C6orf47: variants seen among roughly 807,000 people sequenced by gnomAD.
C6orf47 encodes the protein chromosome 6 open reading frame 47.
Under a neutral mutation model 5.6 loss-of-function variants are expected in C6orf47, and 1 was observed. The observed-to-expected ratio is 0.18, with a 90% CI of 0.06 to 0.85. The LOEUF is 0.85. C6orf47 is among the 40% of genes least tolerant of loss of function. C6orf47 has a pLI of 0.70. For synonymous variants in C6orf47, 149 were observed against 161.7 expected (o/e 0.92, Z 0.60); for missense variants, 323 against 367.1 (o/e 0.88, Z 0.98).
In C6orf47 at chr6:31,659,841, G is replaced by A. The variant is rs748548565; in HGVS notation, c.107C>T (p.Ser36Leu). 9.3e-6 allele frequency: 15 copies of A among 1,612,868 alleles called. No individual in the cohort carries two copies. The highest frequency in any genetic ancestry group is 7.7e-5 in the South Asian group (7 of 91,034). Reference protein sequence around the residue: ...YPEPRRVDSSSENSGSDWDSA... With the variant: ...YPEPRRVDSSLENSGSDWDSA... ...ATCCCAGTCACTTCCTGAATTCTCC[G>A]AGGAGCTGTCCACCCGTCTGGGTTC... Residue 36 changes from serine to leucine, a missense_variant, in exon 1 of 1, where the codon TCG becomes TTG. Ser to Leu is a moderately radical substitution (Grantham distance 145, BLOSUM62 -2). Transcript: ENST00000375911. The surrounding 1 kb of genome is among the most constrained non-coding windows in gnomAD (Gnocchi z 5.6).
rs756070085 is a variant in C6orf47 at position 31,659,306 on chromosome 6, C to A, written c.642G>T (p.Pro214=). The A allele has an allele frequency of 5.0e-6, 8 of 1,612,930 alleles. No individual in the cohort carries two copies. The highest frequency in any genetic ancestry group is 1.7e-5 in the Admixed American group (1 of 60,012). ...GTAGGCCATGTAGCCAGAGGCCCAGCGGTCCACGCAGGCCCAGTGTGTCCA... is the reference window on the plus strand; with the variant it reads ...GTAGGCCATGTAGCCAGAGGCCCAGAGGTCCACGCAGGCCCAGTGTGTCCA... ...AALDTLGLRG[P]LGLWLHGLLS... Residue 214 remains proline, a synonymous_variant, in exon 1 of 1, where the codon CCG becomes CCT. Transcript: ENST00000375911. This position sits in a 1 kb window ranked among gnomAD's most constrained non-coding sequence, Gnocchi z 5.6.
Position 31,660,145 on chromosome 6 carries a change from C to T in C6orf47, c.-198G>A. The T allele has an allele frequency of 3.0e-6, 2 of 663,040 alleles. No homozygotes were observed. The highest frequency in any genetic ancestry group is 2.2e-5 in the South Asian group (1 of 46,282). The allele number at this position is 663,040 out of a possible 1,614,324, so 41.1% of individuals were successfully genotyped here. On this transcript the variant is annotated 5_prime_UTR_variant, in exon 1 of 1. Transcript: ENST00000375911. The surrounding 1 kb of genome is among the most constrained non-coding windows in gnomAD (Gnocchi z 4.7). Reference sequence around the variant, plus strand: ...AGCCTCAAGTGTGGCAAGTAGTTTGCTTCCTCTTCAGTTCTGGGGTAAAGG... The same window carrying T: ...AGCCTCAAGTGTGGCAAGTAGTTTGTTTCCTCTTCAGTTCTGGGGTAAAGG...
At position 31,659,090 on chromosome 6, in the gene C6orf47, C is replaced by T. The variant is rs199527380; in HGVS notation, c.858G>A (p.Gln286=). 9 of 1,612,960 alleles carry T rather than the reference C, an allele frequency of 5.6e-6. No individual in the cohort carries two copies. Among genetic ancestry groups the T allele is most frequent in the Non-Finnish European group, 7.6e-6 (9 of 1,179,972 alleles). Residue 286 remains glutamine, a synonymous_variant, in exon 1 of 1, where the codon CAG becomes CAA. Transcript: ENST00000375911. This position sits in a 1 kb window ranked among gnomAD's most constrained non-coding sequence, Gnocchi z 5.6. ...SEGLEREGEE[Q]RGDPGKGL The stretch of plus-strand genomic sequence containing the variant: ...ACAGCCCCTTTCCCGGGTCTCCCCT[C>T]TGCTCCTCACCTTCCCTCTCCAACC...
At position 31,660,005 on chromosome 6, in the gene C6orf47, C is replaced by G. The variant is rs1213712595; in HGVS notation, c.-58G>C. On this transcript the variant is annotated 5_prime_UTR_variant, in exon 1 of 1. Coordinates refer to ENST00000375911, the MANE Select transcript of C6orf47 (RefSeq NM_021184.4). The surrounding 1 kb of genome is among the most constrained non-coding windows in gnomAD (Gnocchi z 4.7). ...AGGCTGCTTCCTGGCACTACTCAGA[C>G]TCTCAGGATCTCCTCAGAAGCCAGA... 1 of 1,478,658 alleles carries G rather than the reference C, an allele frequency of 6.8e-7. No individual in the cohort carries two copies. The highest frequency in any genetic ancestry group is 1.4e-5 in the African/African-American group (1 of 70,770). 91.6% of individuals were successfully genotyped at this position (1,478,658 alleles called of 1,614,324 possible). A position where few individuals can be genotyped will look rare whatever the true frequency, so the allele number is the denominator to read the frequency against.
rs765257322 is a variant in C6orf47 at position 31,659,593 on chromosome 6, G to A, written c.355C>T (p.His119Tyr). ...CTCCTGGTGCCACCTGAATCCACATGATCCCATCTGAGTTTGGGACTGGCC... is the reference window on the plus strand; with the variant it reads ...CTCCTGGTGCCACCTGAATCCACATAATCCCATCTGAGTTTGGGACTGGCC... ...GGASPKLRWD[H>Y]VDSGGTRRPG... Residue 119 changes from histidine (H) to tyrosine (Y), a missense_variant, in exon 1 of 1, where the codon CAT (histidine) becomes TAT (tyrosine). His to Tyr is a moderately conservative substitution (Grantham distance 83). Transcript: ENST00000375911. The surrounding 1 kb of genome is among the most constrained non-coding windows in gnomAD (Gnocchi z 5.6). 9.9e-6 allele frequency: 16 copies of A among 1,612,832 alleles called. 1 individual carries two copies. The South Asian group carries it at 1.8e-4, about 18-fold the overall frequency.
rs1210880888 is a variant in C6orf47 at position 31,658,623 on chromosome 6, C to T, written c.*440G>A. On this transcript the variant is annotated 3_prime_UTR_variant, in exon 1 of 1. Transcript: ENST00000375911. ...CAGCCCCACTCTTCCCTCGATGGCT[C>T]AGATCCTGAGATCCAAGGAACACCC... 1 of 202,444 alleles carries T rather than the reference C, an allele frequency of 4.9e-6. No individual in the cohort carries two copies. Among genetic ancestry groups the T allele is most frequent in the South Asian group, 1.1e-4 (1 of 8,800 alleles). 12.5% of individuals were successfully genotyped at this position (202,444 alleles called of 1,614,324 possible).
At position 31,659,396 on chromosome 6, in the gene C6orf47, C is replaced by T. The variant is rs1193178975; in HGVS notation, c.552G>A (p.Leu184=). The T allele has an allele frequency of 6.2e-7, 1 of 1,612,950 alleles. No homozygotes were observed. Among genetic ancestry groups the T allele is most frequent in the African/African-American group, 1.3e-5 (1 of 74,954 alleles). The change falls in exon 1 of 1, where the codon CTG becomes CTA. Residue 184 remains leucine (L), a synonymous_variant. Transcript: ENST00000375911. The surrounding 1 kb of genome is among the most constrained non-coding windows in gnomAD (Gnocchi z 5.6). The part of the protein sequence containing the change: ...ECLQISTNLT[L]HLLELLASAL... ...CAGAGGCCAGCAGCTCCAGAAGATG[C>T]AGGGTCAGGTTGGTGGAGATCTGCA...
rs745427302 is a variant in C6orf47, at chr6:31,659,340, C to T, written c.608G>A (p.Arg203Gln). ...CAGGCCCAGTGTGTCCAAGGCTGCC[C>T]GCAGTGGTCGTGAGCACAGGGCCAG... ...ALLALCSRPLRAALDTLGLRG... is the reference protein window; with the variant it reads ...ALLALCSRPLQAALDTLGLRG... Residue 203 changes from arginine (R) to glutamine (Q), a missense_variant, in exon 1 of 1, where the codon CGG becomes CAG. Arg to Gln is a conservative substitution (Grantham distance 43). Transcript: ENST00000375911. This position sits in a 1 kb window ranked among gnomAD's most constrained non-coding sequence, Gnocchi z 5.6. The T allele has an allele frequency of 1.9e-6, 3 of 1,613,078 alleles. No individual in the cohort carries two copies. The highest frequency in any genetic ancestry group is 2.2e-5 in the East Asian group (1 of 44,892).
Position 31,659,634 on chromosome 6 carries a change from C to A in C6orf47, c.314G>T (p.Arg105Ile). 6.2e-7 allele frequency: 1 copy of A among 1,613,070 alleles called. No homozygotes were observed. The highest frequency in any genetic ancestry group is 2.2e-5 in the East Asian group (1 of 44,888). ...QPISSTQESGRLEAGGASPKL... is the reference protein window; with the variant it reads ...QPISSTQESGILEAGGASPKL... ...GGGACTGGCCCCTCCAGCCTCCAGT[C>A]TCCCAGACTCTTGAGTGCTAGAGAT... The change falls in exon 1 of 1, where the codon AGA (arginine) becomes ATA (isoleucine). Residue 105 changes from arginine to isoleucine, a missense_variant. By Grantham distance (97) the Arg-to-Ile change is moderately conservative. Transcript: ENST00000375911. This position sits in a 1 kb window ranked among gnomAD's most constrained non-coding sequence, Gnocchi z 5.6.
chr6:31,658,921 C>T lies in C6orf47; in HGVS notation c.*142G>A, dbSNP rs935226790. On this transcript the variant is annotated 3_prime_UTR_variant, in exon 1 of 1. Coordinates refer to ENST00000375911, the MANE Select transcript of C6orf47 (RefSeq NM_021184.4). Reference sequence around the variant, plus strand: ...AACACCCTAAATAGTTCTGTTCTCTCCTGTGTATGAAGGGGGGCCCTGCAC... The same window carrying T: ...AACACCCTAAATAGTTCTGTTCTCTTCTGTGTATGAAGGGGGGCCCTGCAC... 4.3e-5 allele frequency: 37 copies of T among 861,740 alleles called. No homozygotes were observed. The highest frequency in any genetic ancestry group is 5.6e-5 in the Non-Finnish European group (31 of 549,648). 53.4% of individuals were successfully genotyped at this position (861,740 alleles called of 1,614,324 possible). A position where few individuals can be genotyped will look rare whatever the true frequency, so the allele number is the denominator to read the frequency against.
In C6orf47 at chr6:31,659,026, G is replaced by A. The variant is rs1328556404; in HGVS notation, c.*37C>T. ...TCATGCCTCACACTTTTCTCCTAAA[G>A]CCCACACTCTCTTCACCCTTTGCCC... On this transcript the variant is annotated 3_prime_UTR_variant, in exon 1 of 1. Coordinates refer to ENST00000375911, the MANE Select transcript of C6orf47 (RefSeq NM_021184.4). The surrounding 1 kb of genome is among the most constrained non-coding windows in gnomAD (Gnocchi z 5.6). The A allele has an allele frequency of 1.3e-6, 2 of 1,585,700 alleles. No homozygotes were observed. Among genetic ancestry groups the A allele is most frequent in the Non-Finnish European group, 1.7e-6 (2 of 1,162,614 alleles).
At position 31,659,218 on chromosome 6, in the gene C6orf47, A is replaced by G; in HGVS notation, c.730T>C (p.Leu244=). The G allele has an allele frequency of 6.2e-7, 1 of 1,612,844 alleles. No individual in the cohort carries two copies. ...AVLSLLTAHP[L]HFACLFGLLQ... ...AGACCAAAGAGGCAGGCGAAGTGCA[A>G]AGGGTGGGCAGTAAGTAGGCTCAGA... The change falls in exon 1 of 1, where the codon TTG becomes CTG. Residue 244 remains leucine, a synonymous_variant. Transcript: ENST00000375911. This position sits in a 1 kb window ranked among gnomAD's most constrained non-coding sequence, Gnocchi z 5.6.
rs767598492 is a variant in C6orf47 at position 31,659,516 on chromosome 6, T to G, written c.432A>C (p.Pro144=). 2 of 1,613,084 alleles carry G rather than the reference T, an allele frequency of 1.2e-6. No homozygotes were observed. The highest frequency in any genetic ancestry group is 1.7e-5 in the Admixed American group (1 of 60,032). ...GGLSVPGPGA[P]LEKPGRREKL... ...TCTCACGCCTACCAGGTTTCTCCAATGGGGCTCCTGGCCCAGGGACGCTCA... is the reference window on the plus strand; with the variant it reads ...TCTCACGCCTACCAGGTTTCTCCAAGGGGGCTCCTGGCCCAGGGACGCTCA... Residue 144 remains proline (P), a synonymous_variant, in exon 1 of 1, where the codon CCA becomes CCC. Transcript: ENST00000375911. The surrounding 1 kb of genome is among the most constrained non-coding windows in gnomAD (Gnocchi z 5.6).
Position 31,659,078 on chromosome 6 carries a change from C to A in C6orf47, c.870G>T (p.Pro290=). ...EREGEEQRGD[P]GKGL ...CACCCCACGGTCACAGCCCCTTTCC[C>A]GGGTCTCCCCTCTGCTCCTCACCTT... is the stretch of plus-strand genomic sequence containing the variant. The change falls in exon 1 of 1, where the codon CCG becomes CCT. Residue 290 remains proline, a synonymous_variant. Transcript: ENST00000375911. This position sits in a 1 kb window ranked among gnomAD's most constrained non-coding sequence, Gnocchi z 5.6. The A allele has an allele frequency of 6.2e-7, 1 of 1,612,180 alleles. No homozygotes were observed. Among genetic ancestry groups the A allele is most frequent in the Non-Finnish European group, 8.5e-7 (1 of 1,179,512 alleles).
At position 31,659,661 on chromosome 6, in the gene C6orf47, G is replaced by A. The variant is rs1170679011; in HGVS notation, c.287C>T (p.Pro96Leu). The A allele has an allele frequency of 6.2e-6, 10 of 1,612,944 alleles. No individual in the cohort carries two copies. The highest frequency in any genetic ancestry group is 8.5e-6 in the Non-Finnish European group (10 of 1,180,040). The change falls in exon 1 of 1, where the codon CCT becomes CTT. Residue 96 changes from proline (P) to leucine (L), a missense_variant. Pro to Leu is a moderately conservative substitution (Grantham distance 98). Coordinates refer to ENST00000375911, the MANE Select transcript of C6orf47 (RefSeq NM_021184.4). This position sits in a 1 kb window ranked among gnomAD's most constrained non-coding sequence, Gnocchi z 5.6. The part of the protein sequence containing the change: ...KRMDSLKWDQ[P>L]ISSTQESGRL... ...CCCAGACTCTTGAGTGCTAGAGATA[G>A]GCTGGTCCCACTTGAGGGAATCCAT...
Position 31,659,028 on chromosome 6 carries a change from C to T in C6orf47, c.*35G>A. 6.3e-7 allele frequency: 1 copy of T among 1,588,844 alleles called. No homozygotes were observed. On this transcript the variant is annotated 3_prime_UTR_variant, in exon 1 of 1. Transcript: ENST00000375911. This position sits in a 1 kb window ranked among gnomAD's most constrained non-coding sequence, Gnocchi z 5.6. ...ATGCCTCACACTTTTCTCCTAAAGC[C>T]CACACTCTCTTCACCCTTTGCCCCC...
rs753708528 is a variant in C6orf47 at position 31,659,520 on chromosome 6, G to A, written c.428C>T (p.Ala143Val). The A allele has an allele frequency of 6.2e-7, 1 of 1,613,058 alleles. No individual in the cohort carries two copies. The highest frequency in any genetic ancestry group is 1.7e-5 in the Admixed American group (1 of 60,026). Residue 143 changes from alanine (A) to valine (V), a missense_variant, in exon 1 of 1, where the codon GCC becomes GTC. Physicochemically the swap from Ala to Val is moderately conservative, Grantham distance 64 (BLOSUM62 0). Transcript: ENST00000375911. This position sits in a 1 kb window ranked among gnomAD's most constrained non-coding sequence, Gnocchi z 5.6. ...ACGCCTACCAGGTTTCTCCAATGGG[G>A]CTCCTGGCCCAGGGACGCTCAGTCC... ...EGGLSVPGPGAPLEKPGRREK... is the reference protein window; with the variant it reads ...EGGLSVPGPGVPLEKPGRREK...
Position 31,658,848 on chromosome 6 carries a change from T to C in C6orf47, c.*215A>G. 2.7e-6 allele frequency: 1 copy of C among 374,346 alleles called. No homozygotes were observed. The highest frequency in any genetic ancestry group is 4.4e-6 in the Non-Finnish European group (1 of 225,644). The allele number at this position is 374,346 out of a possible 1,614,324, so 23.2% of individuals were successfully genotyped here. ...GGTGGGAGAAAAGTAAAAGCAAAAA[T>C]AACAGCTGGTGAATCCAAGAGCAGT... On this transcript the variant is annotated 3_prime_UTR_variant, in exon 1 of 1. Transcript: ENST00000375911.
Position 31,659,472 on chromosome 6 carries a change from C to T in C6orf47, c.476G>A (p.Arg159Gln), listed in dbSNP as rs765482502. ...GRREKLLGWLRGEPGAPSRYL... is the reference protein window; with the variant it reads ...GRREKLLGWLQGEPGAPSRYL... Reference sequence around the variant, plus strand: ...CCGGGAGGGAGCTCCTGGTTCCCCCCGCAGCCAGCCCAACAGCTTCTCACG... The same window carrying T: ...CCGGGAGGGAGCTCCTGGTTCCCCCTGCAGCCAGCCCAACAGCTTCTCACG... Residue 159 changes from arginine (R) to glutamine (Q), a missense_variant, in exon 1 of 1, where the codon CGG becomes CAG. Physicochemically the swap from Arg to Gln is conservative, Grantham distance 43 (BLOSUM62 1). Transcript: ENST00000375911. This position sits in a 1 kb window ranked among gnomAD's most constrained non-coding sequence, Gnocchi z 5.6. 29 of 1,613,122 alleles carry T rather than the reference C, an allele frequency of 1.8e-5. No homozygotes were observed. The highest frequency in any genetic ancestry group is 2.3e-5 in the Non-Finnish European group (27 of 1,180,036).
Sources: gnomAD v4.1 joint callset for allele counts on GRCh38, gnomAD v4.1.1 for gene constraint, Gnocchi (gnomAD v3.1) non-coding constraint, MANE v1.5 for transcripts, NCBI Gene and HGNC (gene_info 2026-07-23, HGNC 2026-07-21) for gene names.